Variants in ADAM23 observed in about 807,000 individuals in gnomAD.
ADAM23 encodes the protein ADAM metallopeptidase domain 23, also known as disintegrin and metalloproteinase domain-containing protein 23.
ADAM23 carries 33 observed loss-of-function variants against 120.1 expected under a neutral mutation model. The ratio of observed to expected loss-of-function variants is 0.27; its 90% CI spans 0.21 to 0.37. The LOEUF is 0.37. Among genes scored for constraint, ADAM23 ranks in the 10% least tolerant of loss-of-function variants. The probability of loss-of-function intolerance (pLI) is 1.00; values close to 1 mark genes in which losing one functional copy is unlikely to be tolerated. For missense variants in ADAM23, 862 were observed against 1,058.2 expected, an observed-to-expected ratio of 0.81 and a Z score of 2.57; for synonymous variants, 367 against 375.2, an observed-to-expected ratio of 0.98 and a Z score of 0.25.
At chr2:206,574,382 G>C (rs1427347548) in intron 18 of ADAM23, among the ~76,000 whole-genome samples, 2 of 150,648 alleles carry the variant, frequency 1.3e-5, no homozygotes, top group Admixed American at 1.3e-4. Context: ...CTTTATTTTA[G>C]GAAAGTTTGG....
At chr2:206,552,881 T>C (rs1234876005) in intron 9 of ADAM23, among the ~76,000 whole-genome samples, 1 of 151,748 alleles carries the variant, frequency 6.6e-6, no homozygotes, top group Non-Finnish European at 1.5e-5. Flanking sequence ...TTGCCTAGGC[T>C]GGTGTTGAGC....
intron 4 of ADAM23, among the ~76,000 whole-genome samples, chr2:206,535,553 T>C (rs2105801649): frequency 1.3e-5 from 2 of 152,362 alleles, no homozygotes; most frequent in Middle Eastern, 3.4e-3. Context: ...GGAAACACCC[T>C]AAATGTCCTT....
intron 3 of ADAM23, among the ~76,000 whole-genome samples, chr2:206,489,179 C>A (rs1240454029): frequency 6.6e-6 from 1 of 152,190 alleles, no homozygotes; most frequent in African/African-American, 2.4e-5. Context: ...GCACCTTGAC[C>A]TATACCAGCC....
At chr2:206,462,064 C>CTCTGGT (rs1695432336) in intron 2 of ADAM23, among the ~76,000 whole-genome samples, 1 of 152,058 alleles carries the variant, frequency 6.6e-6, no homozygotes, top group Admixed American at 6.6e-5. Flanking sequence ...TCCAGAAAGT[C>CTCTGGT]CTGATTTGCC....
At chr2:206,488,082 A>C (rs549367647) in intron 3 of ADAM23, among the ~76,000 whole-genome samples, 2 of 152,378 alleles carry the variant, frequency 1.3e-5, no homozygotes, top group South Asian at 4.1e-4. Flanking sequence ...AAAGCAGTTC[A>C]CGCTGTGTTT....
chr2:206,543,067 C>T (rs1697325245), intron 5 of ADAM23, among the ~76,000 whole-genome samples, 186 bp from the exon 6 acceptor site: 2 of 152,146 alleles, frequency 1.3e-5, no homozygotes, highest in South Asian at 4.1e-4. Context: ...CTCCATGCTG[C>T]CTAATAGAGT....
intron 25 of ADAM23, among the ~76,000 whole-genome samples, chr2:206,615,449 T>C (rs1387048552): frequency 6.6e-6 from 1 of 152,220 alleles, no homozygotes; most frequent in Non-Finnish European, 1.5e-5. Context: ...ATTTTTTTCA[T>C]AGAGAAAATT....
intron 3 of ADAM23, among the ~76,000 whole-genome samples, chr2:206,529,848 G>A (rs533102261): frequency 1.4e-4 from 21 of 151,796 alleles, no homozygotes; most frequent in African/African-American, 4.6e-4. Flanking sequence ...GTCTCACTCT[G>A]TCTCTCAGGA....
chr2:206,527,893 T>C (rs912361438), intron 3 of ADAM23, among the ~76,000 whole-genome samples: 15 of 152,164 alleles, frequency 9.9e-5, no homozygotes, highest in Admixed American at 8.5e-4. Flanking sequence ...GTATTTGCCA[T>C]AGACCTCCTG....
At chr2:206,495,867 C>A (rs1379154667) in intron 3 of ADAM23, among the ~76,000 whole-genome samples, 4 of 152,260 alleles carry the variant, frequency 2.6e-5, no homozygotes, top group African/African-American at 9.6e-5. Context: ...TCGGATTAAA[C>A]AGACTTTAAA....
intron 2 of ADAM23, among the ~76,000 whole-genome samples, chr2:206,455,058 CCAA>C (rs1488663525): frequency 5.3e-5 from 8 of 152,244 alleles, no homozygotes; most frequent in Admixed American, 3.9e-4. Flanking sequence ...GAAGCTCCAA[CCAA>C]ACATTTCCCC....
At chr2:206,464,950 T>C (rs1040794634) in intron 2 of ADAM23, among the ~76,000 whole-genome samples, 1 of 152,120 alleles carries the variant, frequency 6.6e-6, no homozygotes, top group East Asian at 1.9e-4. Flanking sequence ...GCAACTGTTA[T>C]CTTTCTGTCA....
intron 2 of ADAM23, among the ~76,000 whole-genome samples, chr2:206,447,209 A>G (rs900602700): frequency 6.6e-6 from 1 of 152,202 alleles, no homozygotes; most frequent in African/African-American, 2.4e-5. Flanking sequence ...TTCCGTGATA[A>G]TAAGGTTTGT....
At chr2:206,569,739 C>G (rs568387401) in intron 15 of ADAM23, among the ~76,000 whole-genome samples, 1 of 152,296 alleles carries the variant, frequency 6.6e-6, no homozygotes, top group East Asian at 1.9e-4. Context: ...TAGGACTTTT[C>G]CACAGGGGGA....
At chr2:206,588,179 G>A (rs571665800) in intron 20 of ADAM23, 25 bp downstream of exon 20, 80 of 1,611,482 alleles carry the variant, frequency 5.0e-5, no homozygotes, top group Admixed American at 1.3e-4. Context: ...CTTGCTTGGC[G>A]GTTACACATA....
intron 24 of ADAM23, chr2:206,605,995 C>T (rs1574563004): frequency 7.0e-6 from 4 of 570,396 alleles, no homozygotes; most frequent in Non-Finnish European, 6.2e-6. Flanking sequence ...GGTAGTGCAC[C>T]TTGTGGTGTG....
At chr2:206,564,915 G>A in intron 13 of ADAM23, 105 bp from the exon 14 acceptor site, 1 of 1,229,622 alleles carries the variant, frequency 8.1e-7, no homozygotes, top group Non-Finnish European at 1.2e-6. Context: ...TGACTGACAT[G>A]GAATTGGTAA....
chr2:206,459,503 C>T (rs1478284176), intron 2 of ADAM23, among the ~76,000 whole-genome samples: 3 of 152,100 alleles, frequency 2.0e-5, no homozygotes, highest in Non-Finnish European at 4.4e-5. Context: ...TCTTGGACTT[C>T]CCTTATATTT....
chr2:206,446,591 C>G (rs749293105), intron 2 of ADAM23, among the ~76,000 whole-genome samples: 9 of 151,922 alleles, frequency 5.9e-5, no homozygotes, highest in Non-Finnish European at 5.9e-5. Flanking sequence ...GGGTGATTTT[C>G]CTATGTTGTA....
Sources: gnomAD v4.1 joint callset for allele counts (sites outside exome capture counted in the v4.1 genomes callset) on GRCh38, gnomAD v4.1.1 for gene constraint, MANE v1.5 for transcripts, NCBI Gene and HGNC (gene_info 2026-07-23, HGNC 2026-07-21) for gene names.